GARIN1A: variants seen among roughly 807,000 people sequenced by gnomAD.
GARIN1A encodes Golgi-associated RAB2 interactor protein 1A.
At chr7:128,707,872 T>C in the GARIN1A span, among the ~76,000 whole-genome samples, 1 of 152,096 alleles carries the variant, frequency 6.6e-6, no homozygotes, top group Admixed American at 6.6e-5. Context: ...TTCCTTTCTT[T>C]CTTTTCCTTC....
At chr7:128,674,262 G>A in the GARIN1A span, among the ~76,000 whole-genome samples, 1 of 152,070 alleles carries the variant, frequency 6.6e-6, no homozygotes, top group African/African-American at 2.4e-5. Context: ...AGGCTGACCC[G>A]CACAGAAAAG....
the GARIN1A span, among the ~76,000 whole-genome samples, chr7:128,679,420 T>C: frequency 6.6e-6 from 1 of 152,140 alleles, no homozygotes; most frequent in African/African-American, 2.4e-5. Context: ...CTCGATCTCT[T>C]GATCTCGTGA....
the GARIN1A span, among the ~76,000 whole-genome samples, chr7:128,677,304 G>C: frequency 1.3e-5 from 2 of 150,856 alleles, no homozygotes. Flanking sequence ...TCAGGAGATC[G>C]AGACCATCCT....
chr7:128,690,626 A>AT, the GARIN1A span: 1 of 152,122 alleles, frequency 6.6e-6, no homozygotes, highest in Non-Finnish European at 1.5e-5. Context: ...ATTAAAAATT[A>AT]TTTTTTATTT....
chr7:128,708,935 T>C, the GARIN1A span: 1 of 152,214 alleles, frequency 6.6e-6, no homozygotes, highest in Non-Finnish European at 1.5e-5. Context: ...AAAAGCTACA[T>C]TTCCCAGCTT....
At chr7:128,683,082 G>A in the GARIN1A span, 1 of 1,612,292 alleles carries the variant, frequency 6.2e-7, no homozygotes, top group African/African-American at 1.3e-5. Context: ...CAGCCTCTGG[G>A]AACAAGAGGA....
At chr7:128,705,398 A>G in the GARIN1A span, among the ~76,000 whole-genome samples, 1 of 152,110 alleles carries the variant, frequency 6.6e-6, no homozygotes, top group Admixed American at 6.5e-5. Context: ...TCTCGGCAGG[A>G]GTGCCCTGGG....
chr7:128,680,704 A>G, the GARIN1A span, among the ~76,000 whole-genome samples: 8 of 152,022 alleles, frequency 5.3e-5, no homozygotes, highest in African/African-American at 1.9e-4. Flanking sequence ...AGCTGGGATT[A>G]CAGGCGACCG....
chr7:128,692,931 C>T, the GARIN1A span, among the ~76,000 whole-genome samples: 2 of 152,194 alleles, frequency 1.3e-5, no homozygotes, highest in Non-Finnish European at 1.5e-5. Flanking sequence ...GTTCCAATCA[C>T]TGAGAGTGGT....
chr7:128,700,575 C>T, the GARIN1A span, among the ~76,000 whole-genome samples: 7 of 152,114 alleles, frequency 4.6e-5, no homozygotes, highest in Non-Finnish European at 7.4e-5. Flanking sequence ...CCACGGTGCC[C>T]GGCCTTAGTA....
At chr7:128,689,851 G>A in the GARIN1A span, among the ~76,000 whole-genome samples, 2 of 151,656 alleles carry the variant, frequency 1.3e-5, no homozygotes, top group African/African-American at 4.8e-5. Context: ...CTGCCCGGCC[G>A]CCCCTACTAG....
the GARIN1A span, among the ~76,000 whole-genome samples, chr7:128,699,216 T>A: frequency 2.7e-5 from 4 of 146,630 alleles, no homozygotes; most frequent in Non-Finnish European, 6.0e-5. Flanking sequence ...ATTCCAATAA[T>A]ACAGAACTAA....
At chr7:128,672,627 T>C in the GARIN1A span, 6 of 330,918 alleles carry the variant, frequency 1.8e-5, no homozygotes, top group Non-Finnish European at 2.7e-5. Context: ...GGAGATGCTG[T>C]GGCCTTTTAA....
the GARIN1A span, chr7:128,677,602 A>G: frequency 2.5e-6 from 4 of 1,612,984 alleles, no homozygotes; most frequent in Non-Finnish European, 3.4e-6. Flanking sequence ...CGAATCTACG[A>G]CCGGCTCCAG....
the GARIN1A span, among the ~76,000 whole-genome samples, chr7:128,692,199 A>C: frequency 0.018 from 2,686 of 152,346 alleles, 42 homozygotes; most frequent in Non-Finnish European, 0.025. Context: ...CTGTGCCCAG[A>C]AACATGGAAG....
the GARIN1A span, among the ~76,000 whole-genome samples, chr7:128,693,045 C>T: frequency 1.3e-5 from 2 of 152,240 alleles, no homozygotes; most frequent in Non-Finnish European, 2.9e-5. Context: ...TACAGATAGT[C>T]TAAGAGAAGG....
At chr7:128,678,835 A>G in the GARIN1A span, among the ~76,000 whole-genome samples, 3 of 151,710 alleles carry the variant, frequency 2.0e-5, no homozygotes, top group Non-Finnish European at 4.4e-5. Flanking sequence ...GTTACTGTGT[A>G]TCTTATTACA....
chr7:128,675,560 C>A, the GARIN1A span: 60 of 1,057,544 alleles, frequency 5.7e-5, no homozygotes, highest in African/African-American at 7.1e-4. Context: ...CAGGTCAGGG[C>A]CCAGCCCAGT....
chr7:128,679,714 T>G, the GARIN1A span, among the ~76,000 whole-genome samples: 4 of 152,154 alleles, frequency 2.6e-5, no homozygotes, highest in African/African-American at 9.7e-5. Context: ...CTCCTCTCAC[T>G]TAAGTTCTGT....
Sources: allele counts gnomAD v4.1 joint callset (sites outside exome capture counted in the v4.1 genomes callset), GRCh38; gene constraint gnomAD v4.1.1; transcripts MANE v1.5; gene names NCBI Gene and HGNC (gene_info 2026-07-23, HGNC 2026-07-21).